Variants in NOL4 observed in about 807,000 individuals in gnomAD.
The protein encoded by NOL4 is cancer/testis antigen 125.
In NOL4, 17 loss-of-function variants were observed where a neutral mutation model predicts 75.9. The observed-to-expected ratio is 0.22, with a 90% CI of 0.15 to 0.34. The LOEUF (loss-of-function observed/expected upper bound fraction) is 0.34, where lower values mean the gene tolerates loss of function less well. Ranked by LOEUF, NOL4 falls within the 10% of genes least tolerant of loss-of-function variation. The pLI is 1.00. For missense variants in NOL4, 614 were observed against 793.5 expected, an observed-to-expected ratio of 0.77 and a Z score of 2.72; for synonymous variants, 292 against 289.9, an observed-to-expected ratio of 1.01 and a Z score of -0.07.
intron 10 of NOL4, 140 bp downstream of exon 10, chr18:33,883,104 C>T: frequency 1.9e-6 from 1 of 535,780 alleles, no homozygotes; most frequent in East Asian, 3.4e-5. Context: ...ATCCCTAATG[C>T]TAGATGATGA....
At chr18:34,125,492 A>G (rs2080344502) in intron 2 of NOL4, among the ~76,000 whole-genome samples, 1 of 152,182 alleles carries the variant, frequency 6.6e-6, no homozygotes, top group Non-Finnish European at 1.5e-5. Flanking sequence ...GAATTTTTAC[A>G]TGACAAACTA....
chr18:33,958,914 G>A (rs568539845), intron 6 of NOL4, among the ~76,000 whole-genome samples: 5 of 152,062 alleles, frequency 3.3e-5, no homozygotes, highest in African/African-American at 1.2e-4. Context: ...GGAAACTGAG[G>A]GATGTTCAAT....
chr18:34,170,564 G>T (rs1337137106), intron 1 of NOL4, among the ~76,000 whole-genome samples: 1 of 152,038 alleles, frequency 6.6e-6, no homozygotes, highest in East Asian at 1.9e-4. Flanking sequence ...ATGTTGAAAT[G>T]GTAAAATGTT....
intron 3 of NOL4, 136 bp from the exon 4 acceptor site, chr18:34,104,295 A>T (rs1183263920): frequency 8.5e-6 from 5 of 589,964 alleles, no homozygotes; most frequent in Non-Finnish European, 1.5e-5. Context: ...TTATAGTTGG[A>T]CGGTAGAAAA....
chr18:34,152,075 CT>C (rs1180058372), intron 1 of NOL4, among the ~76,000 whole-genome samples: 10 of 151,472 alleles, frequency 6.6e-5, no homozygotes, highest in South Asian at 2.1e-4. Context: ...GTATCATTAA[CT>C]TTTTTTTCAA....
chr18:34,027,721 T>A (rs892931843), intron 5 of NOL4, among the ~76,000 whole-genome samples: 12 of 152,204 alleles, frequency 7.9e-5, no homozygotes, highest in Admixed American at 2.6e-4. Flanking sequence ...CTTTAACAGT[T>A]CTTTGTGTAA....
At chr18:34,122,501 C>T (rs572412663) in intron 2 of NOL4, among the ~76,000 whole-genome samples, 17 of 152,170 alleles carry the variant, frequency 1.1e-4, no homozygotes, top group Non-Finnish European at 7.4e-5. Flanking sequence ...AAGAAAAAAA[C>T]CATCTTTCTA....
At chr18:34,025,930 GTTC>G (rs2075318112) in intron 5 of NOL4, among the ~76,000 whole-genome samples, 3 of 152,084 alleles carry the variant, frequency 2.0e-5, no homozygotes, top group South Asian at 4.1e-4. Flanking sequence ...CCCTTCAACA[GTTC>G]TTCTCCCTAT....
At chr18:34,186,012 CAGG>C (rs1003759637) in intron 1 of NOL4, among the ~76,000 whole-genome samples, 8 of 152,230 alleles carry the variant, frequency 5.3e-5, no homozygotes, top group African/African-American at 1.9e-4. Context: ...TTTATAACTT[CAGG>C]AGAAGTCATC....
chr18:33,866,308 C>G (rs1259482951), intron 10 of NOL4, among the ~76,000 whole-genome samples: 1 of 151,914 alleles, frequency 6.6e-6, no homozygotes, highest in Admixed American at 6.6e-5. Flanking sequence ...ATTTTTACAC[C>G]AATTAAAACA....
At chr18:34,029,854 A>G (rs980801152) in intron 5 of NOL4, among the ~76,000 whole-genome samples, 7 of 152,206 alleles carry the variant, frequency 4.6e-5, no homozygotes, top group Non-Finnish European at 1.0e-4. Flanking sequence ...ATTTTTCTTT[A>G]AAGTACTATT....
intron 5 of NOL4, among the ~76,000 whole-genome samples, chr18:34,082,729 T>A (rs943804598): frequency 4.6e-5 from 7 of 152,226 alleles, no homozygotes; most frequent in African/African-American, 1.2e-4. Context: ...ATAACCTGAT[T>A]TCTCTTGTTT....
intron 5 of NOL4, among the ~76,000 whole-genome samples, chr18:34,032,756 G>A (rs1388230648): frequency 6.6e-6 from 1 of 152,126 alleles, no homozygotes; most frequent in East Asian, 1.9e-4. Flanking sequence ...CTCAAGAATA[G>A]GTTTACCTGA....
At chr18:34,059,603 A>G (rs2076987898) in intron 5 of NOL4, among the ~76,000 whole-genome samples, 1 of 152,106 alleles carries the variant, frequency 6.6e-6, no homozygotes, top group Non-Finnish European at 1.5e-5. Context: ...ATGGCTTCAA[A>G]TAATCTGTGA....
At chr18:33,937,538 TA>T (rs1404565277) in intron 9 of NOL4, among the ~76,000 whole-genome samples, 2 of 152,098 alleles carry the variant, frequency 1.3e-5, no homozygotes, top group African/African-American at 2.4e-5. Context: ...AAGAATCTCT[TA>T]GTCACTGGAA....
At chr18:34,107,420 TACTTG>T in intron 2 of NOL4, among the ~76,000 whole-genome samples, 1 of 152,106 alleles carries the variant, frequency 6.6e-6, no homozygotes, top group Non-Finnish European at 1.5e-5. Flanking sequence ...TCTAACATAG[TACTTG>T]CCATGTCACT....
chr18:34,037,569 T>C (rs1377425282), intron 5 of NOL4, among the ~76,000 whole-genome samples: 2 of 151,946 alleles, frequency 1.3e-5, no homozygotes, highest in African/African-American at 2.4e-5. Flanking sequence ...AATAAACACA[T>C]AGACTAATGG....
chr18:33,917,980 G>A (rs541480835), intron 9 of NOL4, among the ~76,000 whole-genome samples: 1 of 152,254 alleles, frequency 6.6e-6, no homozygotes, highest in Non-Finnish European at 1.5e-5. Flanking sequence ...CATTTTAAAT[G>A]ATTTTATTTT....
chr18:34,018,095 A>C (rs1434899287), intron 6 of NOL4, among the ~76,000 whole-genome samples: 2 of 152,200 alleles, frequency 1.3e-5, no homozygotes, highest in Non-Finnish European at 2.9e-5. Context: ...TTTAATAGAC[A>C]CATAGCATAG....
Sources: gnomAD v4.1 joint callset for allele counts (sites outside exome capture counted in the v4.1 genomes callset) on GRCh38, gnomAD v4.1.1 for gene constraint, MANE v1.5 for transcripts, NCBI Gene and HGNC (gene_info 2026-07-23, HGNC 2026-07-21) for gene names.